Variants in FOXP2 observed in about 807,000 individuals in gnomAD.
FOXP2 encodes the protein forkhead box P2, also known as forkhead box protein P2.
A neutral mutation model predicts 115.8 loss-of-function variants in FOXP2; 12 were observed. The ratio of observed to expected loss-of-function variants is 0.10; its 90% CI spans 0.07 to 0.17. The LOEUF is 0.17. FOXP2 is among the 10% of genes least tolerant of loss of function. The pLI, the probability that FOXP2 is intolerant of heterozygous loss-of-function variation, is 1.00. For synonymous variants in FOXP2, 328 were observed against 297.7 expected (o/e 1.10, Z -1.05); for missense variants, 629 against 843.5 (o/e 0.75, Z 3.15).
intron 3 of FOXP2, among the ~76,000 whole-genome samples, chr7:114,580,239 C>G (rs183561093): frequency 6.6e-6 from 1 of 152,128 alleles, no homozygotes; most frequent in Non-Finnish European, 1.5e-5. Context: ...AACCAATCAT[C>G]GTCATCTTAA....
intron 16 of FOXP2, among the ~76,000 whole-genome samples, chr7:114,688,235 AC>A (rs1453613403): frequency 8.7e-6 from 1 of 115,358 alleles, no homozygotes; most frequent in African/African-American, 2.7e-5. Flanking sequence ...ACACACACAC[AC>A]ACACACACAC....
intron 16 of FOXP2, among the ~76,000 whole-genome samples, chr7:114,671,197 C>T (rs1554442450): frequency 6.6e-6 from 1 of 150,748 alleles, no homozygotes; most frequent in Non-Finnish European, 1.5e-5. Flanking sequence ...ATCATCTCAT[C>T]TTTTTTTTTA....
chr7:114,407,683 T>C (rs1485390727), intron 2 of FOXP2, among the ~76,000 whole-genome samples: 2 of 152,162 alleles, frequency 1.3e-5, no homozygotes, highest in Non-Finnish European at 2.9e-5. Flanking sequence ...TTCTAAAGCA[T>C]ATATTCTTAT....
chr7:114,154,335 G>GT (rs897354792), intron 1 of FOXP2, among the ~76,000 whole-genome samples: 43 of 147,664 alleles, frequency 2.9e-4, no homozygotes, highest in Middle Eastern at 3.5e-3. Flanking sequence ...GATAAGGTGG[G>GT]TTTTTTTTTT....
At chr7:114,531,824 G>T (rs1799157829) in intron 2 of FOXP2, among the ~76,000 whole-genome samples, 1 of 151,908 alleles carries the variant, frequency 6.6e-6, no homozygotes, top group African/African-American at 2.4e-5. Context: ...AACAGTGTAG[G>T]TGTATGCTTT....
At chr7:114,448,778 A>G (rs1794945710) in intron 2 of FOXP2, among the ~76,000 whole-genome samples, 1 of 152,110 alleles carries the variant, frequency 6.6e-6, no homozygotes, top group Non-Finnish European at 1.5e-5. Context: ...TTATAATTGC[A>G]ATTTTATTTT....
intron 2 of FOXP2, among the ~76,000 whole-genome samples, chr7:114,525,925 A>G (rs1403310658): frequency 6.6e-6 from 1 of 151,900 alleles, no homozygotes; most frequent in Non-Finnish European, 1.5e-5. Flanking sequence ...CAGCCTGAGC[A>G]ATGTGTTGAA....
At chr7:114,352,671 T>C (rs1791521866) in intron 2 of FOXP2, among the ~76,000 whole-genome samples, 1 of 152,130 alleles carries the variant, frequency 6.6e-6, no homozygotes, top group Non-Finnish European at 1.5e-5. Context: ...CTTTCCTATA[T>C]ACCTGTCTGT....
At chr7:114,103,154 A>T (rs1467516569) in intron 1 of FOXP2, among the ~76,000 whole-genome samples, 1 of 152,058 alleles carries the variant, frequency 6.6e-6, no homozygotes, top group East Asian at 1.9e-4. Flanking sequence ...CTTCAGAAAC[A>T]GCATTGGCAG....
At position 114,258,613 on chromosome 7, in the gene FOXP2, A is replaced by G. The variant is rs10242130; in HGVS notation, c.-101-29406A>G. 4.4e-3 allele frequency among the ~76,000 whole-genome samples: 668 copies of G among 152,340 alleles called. 5 individuals are homozygous for G. The highest frequency in any genetic ancestry group is 0.015 in the African/African-American group (617 of 41,582). Reference sequence around the variant, plus strand: ...CAAAAAACACTATCAGTAATTTTACATATCATAACTATTCATTTTACTGGC... The same window carrying G: ...CAAAAAACACTATCAGTAATTTTACGTATCATAACTATTCATTTTACTGGC... On this transcript the variant is annotated intron_variant, in intron 1 of 17. Coordinates refer to the FOXP2 transcript ENST00000634411.
At chr7:114,521,093 T>C (rs190801859) in intron 2 of FOXP2, among the ~76,000 whole-genome samples, 1 of 152,290 alleles carries the variant, frequency 6.6e-6, no homozygotes, top group East Asian at 1.9e-4. Context: ...AATTTGTTTC[T>C]ATTTTTATTG....
chr7:114,294,208 G>A (rs989824080), intron 2 of FOXP2, among the ~76,000 whole-genome samples: 1 of 152,148 alleles, frequency 6.6e-6, no homozygotes. Flanking sequence ...TCATATCAAT[G>A]TTGGAGAGTT....
chr7:114,220,833 T>G (rs1308968581), intron 1 of FOXP2, among the ~76,000 whole-genome samples: 1 of 152,188 alleles, frequency 6.6e-6, no homozygotes, highest in Non-Finnish European at 1.5e-5. Flanking sequence ...TCTTGAAGTA[T>G]TATTTGAAGA....
intron 2 of FOXP2, among the ~76,000 whole-genome samples, chr7:114,365,601 T>G (rs1183474342): frequency 1.3e-5 from 2 of 152,136 alleles, no homozygotes; most frequent in Non-Finnish European, 2.9e-5. Flanking sequence ...TTAGAGAAGA[T>G]TAATCTCTTT....
chr7:114,123,988 A>T (rs940806839), intron 1 of FOXP2, among the ~76,000 whole-genome samples: 1 of 152,088 alleles, frequency 6.6e-6, no homozygotes. Context: ...TTTACAAAAG[A>T]GCCTGCAGGC....
In FOXP2 at chr7:114,394,451, A is replaced by C. The variant is rs188289629; in HGVS notation, c.-10-32051A>C. Among the ~76,000 whole-genome samples the C allele has an allele frequency of 1.3e-5, 2 of 152,070 alleles. 1 individual carries two copies. Among genetic ancestry groups the C allele is most frequent in the Admixed American group, 1.3e-4 (2 of 15,240 alleles). ...AACACCCCTACACACAGATATAGAA[A>C]TTGAAAAGTTCAGTGAGGAATCGGA... On this transcript the variant is annotated intron_variant, in intron 2 of 17. Coordinates refer to the FOXP2 transcript ENST00000634411.
At chr7:114,584,609 T>G (rs930664288) in intron 3 of FOXP2, among the ~76,000 whole-genome samples, 1 of 152,214 alleles carries the variant, frequency 6.6e-6, no homozygotes. Context: ...CTACCCTCTT[T>G]CTGTCAACTA....
intron 1 of FOXP2, among the ~76,000 whole-genome samples, chr7:114,196,583 G>C (rs1264341797): frequency 4.6e-5 from 7 of 152,116 alleles, no homozygotes; most frequent in Non-Finnish European, 1.0e-4. Context: ...GTTCTTAATA[G>C]ACTGTAATTT....
intron 2 of FOXP2, among the ~76,000 whole-genome samples, chr7:114,300,593 C>T (rs1304482181): frequency 1.3e-5 from 2 of 151,984 alleles, no homozygotes; most frequent in Non-Finnish European, 2.9e-5. Context: ...GAGTAGTACA[C>T]TACTATAGGT....
Sources: allele counts gnomAD v4.1 joint callset (sites outside exome capture counted in the v4.1 genomes callset), GRCh38; gene constraint gnomAD v4.1.1; transcripts MANE v1.5; gene names NCBI Gene and HGNC (gene_info 2026-07-23, HGNC 2026-07-21).